MITF: variants seen among roughly 807,000 people sequenced by gnomAD.
The protein encoded by MITF is melanocyte inducing transcription factor, also known as microphthalmia-associated transcription factor.
In MITF, 17 loss-of-function variants were observed where a neutral mutation model predicts 60.5. The observed-to-expected ratio is 0.28, with a 90% CI of 0.19 to 0.42. MITF has a LOEUF of 0.42. Ranked by LOEUF, MITF falls within the 10% of genes least tolerant of loss-of-function variation. The pLI, the probability that MITF is intolerant of heterozygous loss-of-function variation, is 1.00. For missense variants in MITF, 622 were observed against 683.5 expected (o/e 0.91, Z 1.00); for synonymous variants, 260 against 248.5 (o/e 1.05, Z -0.43).
At chr3:69,862,717 T>C (rs1051778883) in intron 1 of MITF, among the ~76,000 whole-genome samples, 2 of 152,234 alleles carry the variant, frequency 1.3e-5, no homozygotes, top group African/African-American at 4.8e-5. Flanking sequence ...AAGTTGGCTG[T>C]CACTTGGATG....
chr3:69,954,797 C>T (rs1004466229), intron 7 of MITF, among the ~76,000 whole-genome samples: 12 of 152,108 alleles, frequency 7.9e-5, no homozygotes, highest in African/African-American at 2.4e-4. Flanking sequence ...TTATATAAAA[C>T]GGATTTCATC....
chr3:69,889,886 G>A (rs115174997), intron 2 of MITF, among the ~76,000 whole-genome samples: 4,273 of 152,196 alleles, frequency 0.028, 120 homozygotes, highest in Non-Finnish European at 0.036. Flanking sequence ...CCAGTGCTCA[G>A]CAGCCACACG....
intron 1 of MITF, among the ~76,000 whole-genome samples, chr3:69,751,740 T>C (rs1354100550): frequency 1.3e-5 from 2 of 152,146 alleles, no homozygotes; most frequent in African/African-American, 4.8e-5. Flanking sequence ...CAAGTTATTC[T>C]TGTGGCCTCT....
chr3:69,909,519 G>A (rs1192079858), intron 2 of MITF, among the ~76,000 whole-genome samples: 1 of 152,162 alleles, frequency 6.6e-6, no homozygotes, highest in East Asian at 1.9e-4. Context: ...ACAGAAAAAT[G>A]TGGGAAAGTT....
At chr3:69,899,498 T>C (rs1399678671) in intron 2 of MITF, among the ~76,000 whole-genome samples, 1 of 152,140 alleles carries the variant, frequency 6.6e-6, no homozygotes, top group African/African-American at 2.4e-5. Context: ...AGGAGTGTAG[T>C]CTGCTCTTTG....
intron 5 of MITF, among the ~76,000 whole-genome samples, chr3:69,948,572 T>C (rs1425179180): frequency 1.3e-5 from 2 of 152,018 alleles, no homozygotes; most frequent in Non-Finnish European, 2.9e-5. Flanking sequence ...TCATTGCTTT[T>C]CCTTGTAAAA....
At chr3:69,913,211 AAATT>A (rs1417960423) in intron 2 of MITF, among the ~76,000 whole-genome samples, 2 of 152,102 alleles carry the variant, frequency 1.3e-5, no homozygotes. Flanking sequence ...GTAAACTCTT[AAATT>A]AATTAAAGAG....
intron 1 of MITF, among the ~76,000 whole-genome samples, chr3:69,802,683 C>G (rs1300358400): frequency 3.0e-5 from 2 of 66,244 alleles, no homozygotes; most frequent in East Asian, 8.5e-4. Context: ...AGTCCATATT[C>G]TTTTTTTTTT....
intron 2 of MITF, among the ~76,000 whole-genome samples, chr3:69,910,707 G>C (rs541424728): frequency 6.6e-6 from 1 of 152,276 alleles, no homozygotes; most frequent in Non-Finnish European, 1.5e-5. Flanking sequence ...ACACTTGCAT[G>C]GGCCCTGTAA....
At position 69,739,812 on chromosome 3, in the gene MITF, C is replaced by T. The variant is rs548481170; in HGVS notation, c.104+111C>T. On this transcript the variant is annotated intron_variant, in intron 1 of 9. Coordinates refer to ENST00000352241, the MANE Select transcript of MITF (RefSeq NM_001354604.2). Reference sequence around the variant, plus strand: ...GGAGCTCTGGGACAAGGACCCAGTGCCCTTGCCCCGGAGCAGAGGGCGAAC... The same window carrying T: ...GGAGCTCTGGGACAAGGACCCAGTGTCCTTGCCCCGGAGCAGAGGGCGAAC... 130 of 789,694 alleles carry T rather than the reference C, an allele frequency of 1.6e-4. 1 individual carries two copies. In the South Asian group the frequency reaches 2.0e-3, roughly 12 times the overall value. 48.9% of individuals were successfully genotyped at this position (789,694 alleles called of 1,614,324 possible).
intron 1 of MITF, among the ~76,000 whole-genome samples, chr3:69,750,071 C>T (rs970969162): frequency 1.3e-5 from 2 of 152,138 alleles, no homozygotes; most frequent in Admixed American, 6.5e-5. Context: ...ATGGCAAGGA[C>T]AATTAATTGG....
intron 1 of MITF, among the ~76,000 whole-genome samples, chr3:69,833,744 C>A (rs1169497111): frequency 6.6e-6 from 1 of 152,132 alleles, no homozygotes; most frequent in Non-Finnish European, 1.5e-5. Context: ...TCTCTGTTTA[C>A]ACTATATGTG....
At chr3:69,827,871 C>T (rs1575776554) in intron 1 of MITF, among the ~76,000 whole-genome samples, 1 of 152,092 alleles carries the variant, frequency 6.6e-6, no homozygotes, top group Non-Finnish European at 1.5e-5. Context: ...TAAGCTTGGG[C>T]AGCAGTGACC....
chr3:69,830,941 T>C (rs969657135), intron 1 of MITF, among the ~76,000 whole-genome samples: 1 of 152,200 alleles, frequency 6.6e-6, no homozygotes, highest in African/African-American at 2.4e-5. Flanking sequence ...TGATTTTTGC[T>C]GTCTGTTTCA....
At chr3:69,762,570 A>G (rs540737613) in intron 1 of MITF, among the ~76,000 whole-genome samples, 42 of 152,184 alleles carry the variant, frequency 2.8e-4, no homozygotes, top group Non-Finnish European at 4.7e-4. Flanking sequence ...TTGGAGGACA[A>G]TCAGGGAATT....
intron 1 of MITF, among the ~76,000 whole-genome samples, chr3:69,855,094 C>A (rs2063892537): frequency 6.6e-6 from 1 of 151,218 alleles, no homozygotes; most frequent in African/African-American, 2.4e-5. Context: ...CAGTTTTACC[C>A]CCCGCCCCCC....
rs113877230 is a variant in MITF, at chr3:69,935,294, C to G, written c.355-2528C>G. ...CCAAACCTGGATGTAATAAAGACCT[C>G]ACTGACAGTGCCACATAGAAAGCAA... is the stretch of plus-strand genomic sequence containing the variant. On this transcript the variant is annotated intron_variant, in intron 2 of 9. Transcript: ENST00000352241. 3.3e-3 allele frequency among the ~76,000 whole-genome samples: 501 copies of G among 152,344 alleles called. 9 individuals carry two copies. Among genetic ancestry groups the G allele is most frequent in the Non-Finnish European group, 7.5e-4 (51 of 68,028 alleles).
At chr3:69,805,565 A>C (rs1247957808) in intron 1 of MITF, among the ~76,000 whole-genome samples, 3 of 152,212 alleles carry the variant, frequency 2.0e-5, no homozygotes, top group Admixed American at 6.5e-5. Context: ...TTACAAGGGC[A>C]GGAAGAATGT....
chr3:69,868,882 G>C (rs2107236992), intron 1 of MITF, among the ~76,000 whole-genome samples: 1 of 148,020 alleles, frequency 6.8e-6, no homozygotes, highest in East Asian at 2.0e-4. Flanking sequence ...CTGGGAGACA[G>C]AGGCAAGACT....
Sources: gnomAD v4.1 joint callset for allele counts (sites outside exome capture counted in the v4.1 genomes callset) on GRCh38, gnomAD v4.1.1 for gene constraint, MANE v1.5 for transcripts, NCBI Gene and HGNC (gene_info 2026-07-23, HGNC 2026-07-21) for gene names.